Variants in HAVCR1 observed in about 807,000 individuals in gnomAD.
HAVCR1 encodes hepatitis A virus cellular receptor 1.
Under a neutral mutation model 32.0 loss-of-function variants are expected in HAVCR1, and 34 were observed. The observed-to-expected ratio is 1.06, with a 90% CI of 0.81 to 1.42. HAVCR1 has a LOEUF of 1.42. Among genes scored for constraint, HAVCR1 ranks in the 40% most tolerant of loss-of-function variants. HAVCR1 has a pLI of 0.00. For missense variants in HAVCR1, 420 were observed against 442.3 expected (o/e 0.95, Z 0.45); for synonymous variants, 178 against 170.3 (o/e 1.05, Z -0.35).
chr5:157,053,085 A>T (rs573002293), intron 3 of HAVCR1, among the ~76,000 whole-genome samples: 40 of 152,112 alleles, frequency 2.6e-4, no homozygotes, highest in African/African-American at 8.0e-4. Flanking sequence ...GCTAATTTTT[A>T]AAAAAACTTT....
In HAVCR1 at chr5:157,032,841, T is replaced by C; in HGVS notation, c.986+13A>G. The stretch of plus-strand genomic sequence containing the variant: ...AACCTCAAAAGTATTGATAGAAATA[T>C]TTTCGAGCTTACCTTAGTTGTTGAA... On this transcript the variant is annotated intron_variant, in intron 8 of 8. Transcript: ENST00000523175. 1 of 1,482,976 alleles carries C rather than the reference T, an allele frequency of 6.7e-7. No homozygotes were observed. Among genetic ancestry groups the C allele is most frequent in the South Asian group, 1.1e-5 (1 of 87,424 alleles). The allele number at this position is 1,482,976 out of a possible 1,614,324, so 91.9% of individuals were successfully genotyped here. A position where few individuals can be genotyped will look rare whatever the true frequency, so the allele number is the denominator to read the frequency against.
At position 157,052,076 on chromosome 5, in the gene HAVCR1, C is replaced by T. The variant is rs184591726; in HGVS notation, c.673+285G>A. 2.3e-3 allele frequency among the ~76,000 whole-genome samples: 348 copies of T among 152,272 alleles called. 3 individuals are homozygous for T. The highest frequency in any genetic ancestry group is 8.2e-3 in the African/African-American group (339 of 41,550). On this transcript the variant is annotated intron_variant, in intron 4 of 8. Coordinates refer to ENST00000523175, the MANE Select transcript of HAVCR1 (RefSeq NM_001173393.3). Reference sequence around the variant, plus strand: ...CTAGCTGAGTCAGATCCACAGTATCCCTGTTAGATGTTCTACATCCGTGGT... The same window carrying T: ...CTAGCTGAGTCAGATCCACAGTATCTCTGTTAGATGTTCTACATCCGTGGT...
rs1438426724 is a variant in HAVCR1, at chr5:157,052,963, G to A, written c.380-309C>T. On this transcript the variant is annotated intron_variant, in intron 3 of 8. Transcript: ENST00000523175. ...AGGGTCTCACTCTGTCATCCAGGCC[G>A]GACTGCAGTGGCATGATCAACTCAC... Among the ~76,000 whole-genome samples, 5 of 152,126 alleles carry A rather than the reference G, an allele frequency of 3.3e-5. No homozygotes were observed. In the East Asian group the frequency reaches 5.8e-4, roughly 18 times the overall value.
At chr5:157,058,829 C>A (rs1419353546) in intron 1 of HAVCR1, 92 bp downstream of exon 1, 1 of 152,226 alleles carries the variant, frequency 6.6e-6, no homozygotes, top group African/African-American at 2.4e-5. Flanking sequence ...CCTAACCTTT[C>A]ATGCTCCTGT....
Position 157,046,048 on chromosome 5 carries a change from C to A in HAVCR1, c.781+2990G>T, listed in dbSNP as rs147151718. 7.2e-5 allele frequency among the ~76,000 whole-genome samples: 11 copies of A among 152,258 alleles called. No homozygotes were observed. In the East Asian group the frequency reaches 2.1e-3, roughly 29 times the overall value. The stretch of plus-strand genomic sequence containing the variant: ...TGCTTTTGTGCCTGGAAACAGTTTG[C>A]GCTGAGGATTACACTTTCAAAACGA... On this transcript the variant is annotated intron_variant, in intron 5 of 8. Coordinates refer to ENST00000523175, the MANE Select transcript of HAVCR1 (RefSeq NM_001173393.3).
At chr5:157,055,625 G>T in intron 2 of HAVCR1, 92 bp from the exon 3 acceptor site, 1 of 751,212 alleles carries the variant, frequency 1.3e-6, no homozygotes. Context: ...AAGAACTTTG[G>T]GAGACCAAGG....
At chr5:157,031,005 T>G (rs1461825683) in intron 8 of HAVCR1, among the ~76,000 whole-genome samples, 1 of 55,604 alleles carries the variant, frequency 1.8e-5, no homozygotes, top group Non-Finnish European at 3.7e-5. Context: ...TTTGTTAGTG[T>G]GGGTTTTTTT....
Position 157,029,842 on chromosome 5 carries a change from C to A in HAVCR1, c.987-1G>T. ...AATTTGAAGGCTGCTAAATGAAACACTGTAGAAAGAGTTGTTGAAGAATAA... is the reference window on the plus strand; with the variant it reads ...AATTTGAAGGCTGCTAAATGAAACAATGTAGAAAGAGTTGTTGAAGAATAA... On this transcript the variant is annotated splice_acceptor_variant, in intron 8 of 8. Transcript: ENST00000523175. LOFTEE classifies it high-confidence loss of function. 1.2e-6 allele frequency: 2 copies of A among 1,611,146 alleles called. No homozygotes were observed. Among genetic ancestry groups the A allele is most frequent in the Non-Finnish European group, 1.7e-6 (2 of 1,178,594 alleles).
chr5:157,032,926 AACT>A (rs776248942), intron 7 of HAVCR1, 39 bp from the exon 8 acceptor site: 3 of 1,227,696 alleles, frequency 2.4e-6, no homozygotes, highest in Non-Finnish European at 2.3e-6. Context: ...TTGAAGAGAA[AACT>A]AAACATCTCA....
chr5:157,035,709 A>G (rs1754484613), intron 7 of HAVCR1, among the ~76,000 whole-genome samples: 1 of 152,132 alleles, frequency 6.6e-6, no homozygotes. Flanking sequence ...AACACTACCC[A>G]ACAAACTCCT....
intron 2 of HAVCR1, among the ~76,000 whole-genome samples, chr5:157,056,187 C>A (rs1422218633): frequency 1.3e-5 from 2 of 151,776 alleles, no homozygotes; most frequent in South Asian, 2.1e-4. Context: ...ACCTGAGCAT[C>A]CCAAAGTGCT....
At chr5:157,043,402 A>T (rs981142181) in intron 5 of HAVCR1, among the ~76,000 whole-genome samples, 4 of 152,242 alleles carry the variant, frequency 2.6e-5, no homozygotes, top group Non-Finnish European at 4.4e-5. Flanking sequence ...TGGGTGGCTC[A>T]TGCCTATAAA....
chr5:157,042,596 TG>T, intron 6 of HAVCR1, 30 bp downstream of exon 6: 1 of 1,388,486 alleles, frequency 7.2e-7, no homozygotes, highest in Non-Finnish European at 1.0e-6. Context: ...CAAGTGAATC[TG>T]GCTAATCAAA....
upstream of HAVCR1, among the ~76,000 whole-genome samples, chr5:157,063,232 A>G (rs1265294374): frequency 6.7e-6 from 1 of 149,920 alleles, no homozygotes; most frequent in Non-Finnish European, 1.5e-5. Flanking sequence ...AAATGATCCT[A>G]TTCATCTGGA....
rs537324916 is a variant in HAVCR1 at position 157,046,234 on chromosome 5, G to T, written c.781+2804C>A. On this transcript the variant is annotated intron_variant, in intron 5 of 8. Transcript: ENST00000523175. ...GATTGGCAACAGCTGAGTACAATGA[G>T]TCATACACACAAGGAGGCCTGCAAG... Among the ~76,000 whole-genome samples, 7 of 152,258 alleles carry T rather than the reference G, an allele frequency of 4.6e-5. No homozygotes were observed. In the East Asian group the frequency reaches 1.4e-3, roughly 29 times the overall value.
chr5:157,054,208 A>C (rs1052517347), intron 3 of HAVCR1, among the ~76,000 whole-genome samples: 2 of 151,316 alleles, frequency 1.3e-5, no homozygotes, highest in East Asian at 1.9e-4. Context: ...AAAAAAAAAA[A>C]AAAAACAAAG....
At chr5:157,035,057 A>G (rs1754447861) in intron 7 of HAVCR1, among the ~76,000 whole-genome samples, 1 of 152,144 alleles carries the variant, frequency 6.6e-6, no homozygotes, top group Non-Finnish European at 1.5e-5. Flanking sequence ...CCAAAAAAAA[A>G]GAAAGAAAAG....
chr5:157,048,498 C>G (rs141511979), intron 5 of HAVCR1, among the ~76,000 whole-genome samples: 337 of 152,298 alleles, frequency 2.2e-3, no homozygotes, highest in African/African-American at 7.8e-3. Context: ...TTGATCCTCA[C>G]AAGCATTCTG....
At chr5:157,055,156 C>T in intron 3 of HAVCR1, 45 bp downstream of exon 3, 1 of 1,059,052 alleles carries the variant, frequency 9.4e-7, no homozygotes, top group Admixed American at 2.3e-5. Context: ...TACTACCGAA[C>T]AGAAAATTCA....
Sources: allele counts gnomAD v4.1 joint callset (sites outside exome capture counted in the v4.1 genomes callset), GRCh38; gene constraint gnomAD v4.1.1; transcripts MANE v1.5; gene names NCBI Gene and HGNC (gene_info 2026-07-23, HGNC 2026-07-21).